Variants in IQCH observed in about 807,000 individuals in gnomAD.
IQCH encodes IQ domain-containing protein H.
IQCH carries 98 observed loss-of-function variants against 117.0 expected under a neutral mutation model. The ratio of observed to expected loss-of-function variants is 0.84; its 90% CI spans 0.71 to 0.99. The LOEUF is 0.99. Ranked by LOEUF, IQCH falls within the 50% of genes least tolerant of loss-of-function variation. IQCH has a pLI of 0.00. For synonymous variants in IQCH, 412 were observed against 448.2 expected (o/e 0.92, Z 1.02); for missense variants, 1,102 against 1,243.8 (o/e 0.89, Z 1.72).
chr15:67,461,811 A>T (rs1446313830), intron 16 of IQCH, among the ~76,000 whole-genome samples: 2 of 152,188 alleles, frequency 1.3e-5, no homozygotes, highest in African/African-American at 4.8e-5. Context: ...CTACCTGCCT[A>T]CTGGATTGAG....
At chr15:67,497,413 T>C (rs1324555734) in intron 20 of IQCH, among the ~76,000 whole-genome samples, 1 of 152,130 alleles carries the variant, frequency 6.6e-6, no homozygotes, top group Non-Finnish European at 1.5e-5. Flanking sequence ...ACAATTATAT[T>C]TGTGTAATGA....
intron 18 of IQCH, among the ~76,000 whole-genome samples, chr15:67,482,052 C>T (rs2083353196): frequency 6.6e-6 from 1 of 152,176 alleles, no homozygotes; most frequent in Non-Finnish European, 1.5e-5. Flanking sequence ...GGCAAGATCC[C>T]ATCTCTTAAA....
chr15:67,279,176 A>G (rs777554805), intron 3 of IQCH, among the ~76,000 whole-genome samples: 34 of 152,222 alleles, frequency 2.2e-4, no homozygotes, highest in Admixed American at 3.9e-4. Flanking sequence ...TATTCATGCT[A>G]TAATGGTCTT....
Position 67,424,208 on chromosome 15 carries a change from C to T in IQCH, c.2505+2631C>T, listed in dbSNP as rs1249456120. 6.6e-6 allele frequency among the ~76,000 whole-genome samples: 1 copy of T among 152,152 alleles called. No individual in the cohort carries two copies. Among genetic ancestry groups the T allele is most frequent in the Non-Finnish European group, 1.5e-5 (1 of 68,032 alleles). On this transcript the variant is annotated intron_variant, in intron 16 of 20. Coordinates refer to ENST00000335894, the MANE Select transcript of IQCH (RefSeq NM_001031715.3). The surrounding 1 kb of genome is among the most constrained non-coding windows in gnomAD (Gnocchi z 4.9). Reference sequence around the variant, plus strand: ...CTCATTCCCTCTTACTCATCATATTCCCTCTACCACAGGGCCTAAACATGC... The same window carrying T: ...CTCATTCCCTCTTACTCATCATATTTCCTCTACCACAGGGCCTAAACATGC...
In IQCH at chr15:67,385,203, A is replaced by T. The variant is rs1302395630; in HGVS notation, c.1456+184A>T. On this transcript the variant is annotated intron_variant, in intron 11 of 20. Transcript: ENST00000335894. This position sits in a 1 kb window ranked among gnomAD's most constrained non-coding sequence, Gnocchi z 4.6. ...TTTTAAAAAACATATTTGTAGTAAA[A>T]TCAACTTGAATAAAAAATGACATTT... is the stretch of plus-strand genomic sequence containing the variant. 6.6e-6 allele frequency among the ~76,000 whole-genome samples: 1 copy of T among 152,194 alleles called. No individual in the cohort carries two copies.
In IQCH at chr15:67,302,727, C is replaced by A. The variant is rs370385734; in HGVS notation, c.387+23215C>A. ...CAAAAATTAGCCGGGTGTGGTAGTG[C>A]ACACCTGTAATCCCAGCTACTCAGG... On this transcript the variant is annotated intron_variant, in intron 4 of 20. Transcript: ENST00000335894. Among the ~76,000 whole-genome samples, 282 of 152,152 alleles carry A rather than the reference C, an allele frequency of 1.9e-3. 4 individuals carry two copies. The highest frequency in any genetic ancestry group is 6.6e-3 in the African/African-American group (275 of 41,524).
intron 3 of IQCH, among the ~76,000 whole-genome samples, chr15:67,267,870 C>T (rs1965740977): frequency 1.3e-5 from 2 of 152,146 alleles, no homozygotes; most frequent in Admixed American, 1.3e-4. Flanking sequence ...AACAGATATG[C>T]AATAATGATC....
At chr15:67,258,122 T>G (rs1187077834) in intron 1 of IQCH, among the ~76,000 whole-genome samples, 1 of 151,596 alleles carries the variant, frequency 6.6e-6, no homozygotes, top group Non-Finnish European at 1.5e-5. Flanking sequence ...TCCCAGCTAC[T>G]TGGGAGGCTG....
intron 16 of IQCH, among the ~76,000 whole-genome samples, chr15:67,421,890 G>C (rs551023595): frequency 6.6e-6 from 1 of 152,188 alleles, no homozygotes; most frequent in Non-Finnish European, 1.5e-5. Context: ...CTTGAGCTCA[G>C]AAGTTCAAGA....
At chr15:67,266,872 A>C (rs796729722) in intron 3 of IQCH, among the ~76,000 whole-genome samples, 6 of 152,242 alleles carry the variant, frequency 3.9e-5, no homozygotes, top group African/African-American at 1.2e-4. Flanking sequence ...AAAAATGTCA[A>C]CTCTCATTTT....
intron 16 of IQCH, among the ~76,000 whole-genome samples, chr15:67,435,044 A>G (rs2082106235): frequency 1.4e-5 from 2 of 146,158 alleles, no homozygotes; most frequent in African/African-American, 5.1e-5. Context: ...TTTAGTAGAG[A>G]TGGGGTTTCA....
chr15:67,300,339 A>G (rs1452620599), intron 4 of IQCH, among the ~76,000 whole-genome samples: 3 of 152,146 alleles, frequency 2.0e-5, no homozygotes, highest in Non-Finnish European at 4.4e-5. Flanking sequence ...GATACTTACC[A>G]TACATTAGTC....
At chr15:67,341,854 T>C (rs1969189788) in intron 5 of IQCH, among the ~76,000 whole-genome samples, 1 of 152,202 alleles carries the variant, frequency 6.6e-6, no homozygotes, top group Admixed American at 6.5e-5. Flanking sequence ...GAGTGGTCCT[T>C]CCATGTGTAA....
At chr15:67,266,750 C>T (rs1965692194) in intron 3 of IQCH, among the ~76,000 whole-genome samples, 1 of 152,118 alleles carries the variant, frequency 6.6e-6, no homozygotes, top group African/African-American at 2.4e-5. Flanking sequence ...AGTTAGTCTT[C>T]TAGATAATTT....
chr15:67,372,551 A>G lies in IQCH; in HGVS notation c.1194A>G (p.Ala398=). ...TCTTTTATCGCCAGCAGAAGTGGGC[A>G]TCAGGTGTGATTGCCATTGCTTGGC... The part of the protein sequence containing the change: ...FFLFYRQQKW[A]SGVIAIAWLL... The change falls in exon 9 of 21, where the codon GCA becomes GCG. Residue 398 remains alanine, a synonymous_variant. Coordinates refer to ENST00000335894, the MANE Select transcript of IQCH (RefSeq NM_001031715.3). 6.2e-7 allele frequency: 1 copy of G among 1,614,136 alleles called. No homozygotes were observed. The highest frequency in any genetic ancestry group is 8.5e-7 in the Non-Finnish European group (1 of 1,180,004).
At chr15:67,337,133 G>C in intron 5 of IQCH, 38 bp downstream of exon 5, 1 of 1,608,372 alleles carries the variant, frequency 6.2e-7, no homozygotes, top group Non-Finnish European at 8.5e-7. Context: ...GTTTAGGAAC[G>C]GAAAAGAAAG....
chr15:67,265,672 C>A (rs12592400), intron 3 of IQCH, among the ~76,000 whole-genome samples: 32,549 of 152,088 alleles, frequency 0.21, 4,139 homozygotes, highest in East Asian at 0.47. Context: ...TATATAGAAA[C>A]AAGAGAATCC....
intron 3 of IQCH, among the ~76,000 whole-genome samples, chr15:67,265,122 C>T (rs534759233): frequency 6.6e-6 from 1 of 152,252 alleles, no homozygotes; most frequent in African/African-American, 2.4e-5. Flanking sequence ...TCTCTGTCTT[C>T]CTCTTTATCC....
rs1971066459 is a variant in IQCH at position 67,385,027 on chromosome 15, A to G, written c.1456+8A>G. 6.5e-7 allele frequency: 1 copy of G among 1,541,586 alleles called. No homozygotes were observed. The highest frequency in any genetic ancestry group is 1.4e-5 in the African/African-American group (1 of 73,400). On this transcript the variant is annotated splice_region_variant and intron_variant, in intron 11 of 20. Coordinates refer to ENST00000335894, the MANE Select transcript of IQCH (RefSeq NM_001031715.3). The surrounding 1 kb of genome is among the most constrained non-coding windows in gnomAD (Gnocchi z 4.6). ...GGCTGTGTGACATCTTAGGTACAGT[A>G]AATAGTTTTACACAAATGACTCTTT...
Sources: allele counts gnomAD v4.1 joint callset (sites outside exome capture counted in the v4.1 genomes callset), GRCh38; gene constraint gnomAD v4.1.1; non-coding constraint Gnocchi (gnomAD v3.1); transcripts MANE v1.5; gene names NCBI Gene and HGNC (gene_info 2026-07-23, HGNC 2026-07-21).